Variants in MESD observed in about 807,000 individuals in gnomAD.
MESD encodes the protein LRP chaperone MESD.
Under a neutral mutation model 12.9 loss-of-function variants are expected in MESD, and 7 were observed. The observed-to-expected ratio is 0.54, with a 90% CI of 0.31 to 1.02. MESD has a LOEUF of 1.02. MESD is among the 50% of genes least tolerant of loss of function. MESD has a pLI of 0.05. For synonymous variants in MESD, 126 were observed against 115.6 expected (o/e 1.09, Z -0.58); for missense variants, 342 against 296.7 (o/e 1.15, Z -1.12).
chr15:80,974,068 C>T (rs534150570), downstream of MESD, among the ~76,000 whole-genome samples: 4 of 152,126 alleles, frequency 2.6e-5, no homozygotes, highest in Non-Finnish European at 5.9e-5. Flanking sequence ...GGTTCCCCCC[C>T]CCACTGGGGA....
chr15:80,981,964 G>T lies in MESD; in HGVS notation c.432C>A (p.Asn144Lys). 1 of 1,613,164 alleles carries T rather than the reference G, an allele frequency of 6.2e-7. No homozygotes were observed. Among genetic ancestry groups the T allele is most frequent in the Non-Finnish European group, 8.5e-7 (1 of 1,179,096 alleles). Residue 144 changes from asparagine (N) to lysine (K), a missense_variant, in exon 2 of 3, where the codon AAC (asparagine) becomes AAA (lysine). Transcript: ENST00000261758. The stretch of plus-strand genomic sequence containing the variant: ...TGCTGCTTTACCTCTGGACGTCATA[G>T]TTGGCATTGAAAAGGCTGCCCTGCC... ...SLWQGSLFNA[N>K]YDVQRFIVGS...
At chr15:80,981,454 A>G (rs893307764) in intron 2 of MESD, among the ~76,000 whole-genome samples, 1 of 151,058 alleles carries the variant, frequency 6.6e-6, no homozygotes, top group Admixed American at 6.6e-5. Flanking sequence ...AAAAAAAAAA[A>G]AACAAACTAG....
downstream of MESD, chr15:80,947,130 G>C (rs1901591404): frequency 9.6e-7 from 1 of 1,036,708 alleles, no homozygotes; most frequent in Non-Finnish European, 1.5e-6. Context: ...CTGGCATGGA[G>C]GGTGCTGTCA....
chr15:80,969,652 C>T (rs372014642), intron 3 of MESD, among the ~76,000 whole-genome samples: 6 of 152,178 alleles, frequency 3.9e-5, no homozygotes, highest in East Asian at 1.9e-4. Flanking sequence ...GTCAGGAGCT[C>T]GAGACCACCC....
At chr15:80,948,160 C>T (rs1018017567) in exon 5 of MESD, 33 of 158,270 alleles carry the variant, frequency 2.1e-4, no homozygotes, top group African/African-American at 7.4e-4. Context: ...GGCACTTTCC[C>T]GGTGGTGATA....
exon 4 of MESD, chr15:80,952,064 C>G (rs143745630): frequency 2.5e-6 from 1 of 401,112 alleles, no homozygotes; most frequent in Admixed American, 2.9e-5. Flanking sequence ...TTGCTGCGTC[C>G]TCCACATTTC....
At chr15:80,950,055 C>T (rs1429652443) in intron 4 of MESD, 1 of 152,416 alleles carries the variant, frequency 6.6e-6, no homozygotes, top group African/African-American at 2.4e-5. Flanking sequence ...CCTCTGACTC[C>T]AAGAGGGTGA....
At chr15:80,974,267 G>GAA (rs1391981284), downstream of MESD, among the ~76,000 whole-genome samples, 1 of 152,194 alleles carries the variant, frequency 6.6e-6, no homozygotes, top group Non-Finnish European at 1.5e-5. Flanking sequence ...GATACGGAGG[G>GAA]AAAAGAGCCA....
In MESD at chr15:80,982,131, C is replaced by T. The variant is rs1902597895; in HGVS notation, c.265G>A (p.Ala89Thr). The T allele has an allele frequency of 6.2e-7, 1 of 1,614,120 alleles. No homozygotes were observed. Among genetic ancestry groups the T allele is most frequent in the Non-Finnish European group, 8.5e-7 (1 of 1,180,018 alleles). ...GDLPEHKRPS[A>T]PVDFSKIDPS... The stretch of plus-strand genomic sequence containing the variant: ...TCTATCTTTGAGAAGTCGACAGGTG[C>T]TGAAGGTCTCTTGTGCTCTGGAAGA... Residue 89 changes from alanine (A) to threonine (T), a missense_variant, in exon 2 of 3, where the codon GCA (alanine) becomes ACA (threonine). Physicochemically the swap from Ala to Thr is moderately conservative, Grantham distance 58. Coordinates refer to ENST00000261758, the MANE Select transcript of MESD (RefSeq NM_015154.3).
chr15:80,955,170 T>C (rs533720743), intron 3 of MESD, among the ~76,000 whole-genome samples: 8 of 147,132 alleles, frequency 5.4e-5, no homozygotes, highest in African/African-American at 2.0e-4. Flanking sequence ...CACCCAGGAG[T>C]ATAACCAGGA....
At chr15:80,969,172 AGAGT>A (rs978364390) in intron 3 of MESD, among the ~76,000 whole-genome samples, 2 of 152,278 alleles carry the variant, frequency 1.3e-5, no homozygotes, top group South Asian at 2.1e-4. Flanking sequence ...CGTGAGCAAC[AGAGT>A]GAGACCCTAA....
downstream of MESD, chr15:80,946,817 A>C (rs2141758641): frequency 2.9e-6 from 2 of 696,756 alleles, no homozygotes; most frequent in South Asian, 3.0e-5. Context: ...CTCAGAACAC[A>C]GGAGAGGCTG....
chr15:80,988,235 A>T (rs1288681684), intron 1 of MESD, among the ~76,000 whole-genome samples: 2 of 152,220 alleles, frequency 1.3e-5, no homozygotes, highest in African/African-American at 2.4e-5. Context: ...CAATGTCATC[A>T]TCTAGAAAAT....
chr15:80,972,039 TA>T (rs1267873984), downstream of MESD, among the ~76,000 whole-genome samples: 2 of 151,204 alleles, frequency 1.3e-5, no homozygotes, highest in East Asian at 3.9e-4. Context: ...TGTGGATAAC[TA>T]AAAAAACTCA....
intron 1 of MESD, among the ~76,000 whole-genome samples, chr15:80,983,894 C>CT (rs10570822): frequency 0.016 from 1,395 of 88,474 alleles, 39 homozygotes; most frequent in East Asian, 0.041. Context: ...AAAACAGTAA[C>CT]TTTTTTTTTT....
chr15:80,964,277 G>T (rs1477121603), intron 3 of MESD, among the ~76,000 whole-genome samples: 1 of 152,066 alleles, frequency 6.6e-6, no homozygotes, highest in Non-Finnish European at 1.5e-5. Flanking sequence ...GGGATGTGAA[G>T]GACCTCTTCA....
intron 3 of MESD, among the ~76,000 whole-genome samples, chr15:80,967,459 C>G (rs991329961): frequency 2.6e-5 from 4 of 152,142 alleles, no homozygotes; most frequent in African/African-American, 9.7e-5. Context: ...CTTCCAGACC[C>G]TGGCATGTAA....
chr15:80,988,396 T>A (rs1465506111), intron 1 of MESD, among the ~76,000 whole-genome samples: 1 of 152,232 alleles, frequency 6.6e-6, no homozygotes, highest in African/African-American at 2.4e-5. Context: ...CCTCTTCGTC[T>A]AGCTCAGGGT....
chr15:80,974,860 T>C (rs891721524), downstream of MESD, among the ~76,000 whole-genome samples: 1 of 150,968 alleles, frequency 6.6e-6, no homozygotes, highest in Non-Finnish European at 1.5e-5. Context: ...TAAAAAATTA[T>C]TTAAAATTTT....
Sources: gnomAD v4.1 joint callset for allele counts (sites outside exome capture counted in the v4.1 genomes callset) on GRCh38, gnomAD v4.1.1 for gene constraint, MANE v1.5 for transcripts, NCBI Gene and HGNC (gene_info 2026-07-23, HGNC 2026-07-21) for gene names.